The following CLCN6 variants were observed in gnomAD, a reference collection of about 807,000 sequenced individuals.
The protein encoded by CLCN6 is H(+)/Cl(-) exchange transporter 6.
In CLCN6, 70 loss-of-function variants were observed where a neutral mutation model predicts 109.8. That is an observed-to-expected ratio of 0.64 (90% confidence interval 0.53 to 0.78). The LOEUF (loss-of-function observed/expected upper bound fraction) is 0.78, where lower values mean the gene tolerates loss of function less well. CLCN6 is among the 30% of genes least tolerant of loss of function. The pLI, the probability that CLCN6 is intolerant of heterozygous loss-of-function variation, is 0.00. For synonymous variants in CLCN6, 444 were observed against 447.8 expected, an observed-to-expected ratio of 0.99 and a Z score of 0.11; for missense variants, 984 against 1,142.3, an observed-to-expected ratio of 0.86 and a Z score of 2.00.
chr1:11,834,233 T>G lies in CLCN6; in HGVS notation c.1527-3T>G. On this transcript the variant is annotated splice_polypyrimidine_tract_variant and splice_region_variant and intron_variant, in intron 15 of 22. Transcript: ENST00000346436. This position sits in a 1 kb window ranked among gnomAD's most constrained non-coding sequence, Gnocchi z 4.5. ...CCATGTTCTCGGTGTTTTCCTTCAC[T>G]AGCTACATTGGATTGGGCCACATCT... 1 of 1,610,382 alleles carries G rather than the reference T, an allele frequency of 6.2e-7. No homozygotes were observed. The highest frequency in any genetic ancestry group is 8.5e-7 in the Non-Finnish European group (1 of 1,178,248).
intron 3 of CLCN6, 71 bp from the exon 4 acceptor site, chr1:11,816,544 G>T (rs1644674527): frequency 3.5e-6 from 5 of 1,419,416 alleles, no homozygotes; most frequent in Non-Finnish European, 3.9e-6. Context: ...AAACTGGTTG[G>T]CCAAGATGTA....
In CLCN6 at chr1:11,833,602, C is replaced by T. The variant is rs377246490; in HGVS notation, c.1336C>T (p.Gln446Ter). 5 of 1,613,842 alleles carry T rather than the reference C, an allele frequency of 3.1e-6. No individual in the cohort carries two copies. The African/African-American group carries it at 4.0e-5, about 13-fold the overall frequency. Residue 446 changes from glutamine (Q) to a stop codon, truncating the protein, a stop_gained, in exon 14 of 23, where the codon CAG (glutamine) becomes TAG (stop). Coordinates refer to ENST00000346436, the MANE Select transcript of CLCN6 (RefSeq NM_001286.5). LOFTEE classifies it high-confidence loss of function. ...CATGGCCACACTCTTCTTCAACCCG[C>T]AGGAGTCTGCCATCCTCCAGCTCTT... ...NDMATLFFNPQESAILQLFHQ... is the reference protein window; with the variant it reads ...NDMATLFFNP
chr1:11,842,633 T>C lies in CLCN6; in HGVS notation c.*2410T>C, dbSNP rs1645039657. The C allele has an allele frequency of 6.6e-6, 1 of 152,646 alleles. No homozygotes were observed. Among genetic ancestry groups the C allele is most frequent in the African/African-American group, 2.4e-5 (1 of 41,460 alleles). The allele number at this position is 152,646 out of a possible 1,614,324, so 9.5% of individuals were successfully genotyped here. On this transcript the variant is annotated 3_prime_UTR_variant, in exon 23 of 23. Coordinates refer to ENST00000346436, the MANE Select transcript of CLCN6 (RefSeq NM_001286.5). ...CCTACGGGTGGTAAGAAGTGGTGTT[T>C]TGTGTTTCATCTCCAGCTTGGTGTT... is the stretch of plus-strand genomic sequence containing the variant.
intron 22 of CLCN6, 123 bp from the exon 23 acceptor site, chr1:11,840,020 T>C: frequency 1.3e-6 from 1 of 794,726 alleles, no homozygotes; most frequent in South Asian, 1.4e-5. Context: ...TCAAGCTGTG[T>C]CTGGCTGTGC....
chr1:11,821,093 AAAAAAAC>A (rs1417390509), intron 5 of CLCN6, among the ~76,000 whole-genome samples: 6 of 152,060 alleles, frequency 3.9e-5, no homozygotes, highest in African/African-American at 1.2e-4. Flanking sequence ...ACAACAAAAA[AAAAAAAC>A]AAACAAAATC....
rs1392963575 is a variant in CLCN6 at position 11,837,029 on chromosome 1, C to T, written c.2011C>T (p.Gln671Ter). The change falls in exon 19 of 23, where the codon CAG becomes TAG. Residue 671 changes from glutamine to a stop codon, truncating the protein, a stop_gained. Coordinates refer to ENST00000346436, the MANE Select transcript of CLCN6 (RefSeq NM_001286.5). LOFTEE classifies it high-confidence loss of function. ...KSSILTRAGE[Q>*]RKRSQSMKSY... ...CAGCATCCTCACCCGGGCTGGCGAGCAGCGCAAACGGAGCCAGTCCATGAA... is the reference window on the plus strand; with the variant it reads ...CAGCATCCTCACCCGGGCTGGCGAGTAGCGCAAACGGAGCCAGTCCATGAA... 1.2e-6 allele frequency: 2 copies of T among 1,611,910 alleles called. No homozygotes were observed. Among genetic ancestry groups the T allele is most frequent in the Non-Finnish European group, 8.5e-7 (1 of 1,180,038 alleles).
intron 2 of CLCN6, 40 bp from the exon 3 acceptor site, chr1:11,815,806 A>G: frequency 6.5e-7 from 1 of 1,547,548 alleles, no homozygotes; most frequent in South Asian, 1.1e-5. Flanking sequence ...AGGTCTTCTC[A>G]CCTGACATGA....
rs142493749 is a variant in CLCN6 at position 11,836,093 on chromosome 1, C to T, written c.1920C>T (p.Arg640=). 3.9e-5 allele frequency: 63 copies of T among 1,613,810 alleles called. No homozygotes were observed. The highest frequency in any genetic ancestry group is 8.3e-5 in the Admixed American group (5 of 59,960). The change falls in exon 18 of 23, where the codon CGC becomes CGT. Residue 640 remains arginine (R), a synonymous_variant. Transcript: ENST00000346436. ...CCTTCCCGGTGGTCACAGAGAACCG[C>T]GGTAACGAGAAGGAGTTCATGAAGG... The part of the protein sequence containing the change: ...HHAFPVVTEN[R]GNEKEFMKGN...
intron 22 of CLCN6, among the ~76,000 whole-genome samples, chr1:11,839,513 C>T (rs749460648): frequency 2.0e-5 from 3 of 152,218 alleles, no homozygotes; most frequent in African/African-American, 4.8e-5. Flanking sequence ...TCACCTGCCT[C>T]GGCCTCCCAA....
rs375151504 is a variant in CLCN6, at chr1:11,827,084, C to T, written c.708-5C>T. 6.8e-6 allele frequency: 11 copies of T among 1,613,546 alleles called. No homozygotes were observed. The highest frequency in any genetic ancestry group is 9.3e-6 in the Non-Finnish European group (11 of 1,179,832). The stretch of plus-strand genomic sequence containing the variant: ...TTGGATAACCCGTCTCTCTCCTCTC[C>T]TCAGAGACAAGAGAGACTTTGTATC... On this transcript the variant is annotated splice_polypyrimidine_tract_variant and splice_region_variant and intron_variant, in intron 9 of 22. Coordinates refer to ENST00000346436, the MANE Select transcript of CLCN6 (RefSeq NM_001286.5).
intron 5 of CLCN6, chr1:11,820,386 T>C (rs756399131): frequency 5.2e-5 from 37 of 716,388 alleles, no homozygotes; most frequent in Non-Finnish European, 1.6e-5. Flanking sequence ...AAGATGTAAA[T>C]ATGCAGAACA....
chr1:11,830,781 T>TAC lies in CLCN6; in HGVS notation c.1248+1460_1248+1461insCA, dbSNP rs1327251861. ...TATATATATACACACACACACTATA[T>TAC]ATACACACACACACACACACACACA... On this transcript the variant is annotated intron_variant, in intron 13 of 22. Transcript: ENST00000346436. Among the ~76,000 whole-genome samples the TAC allele has an allele frequency of 1.1e-3, 138 of 121,838 alleles. 2 individuals carry two copies. Among genetic ancestry groups the TAC allele is most frequent in the African/African-American group, 5.3e-3 (131 of 24,890 alleles). 79.9% of individuals were successfully genotyped at this position (121,838 alleles called of 152,430 possible). A position where few individuals can be genotyped will look rare whatever the true frequency, so the allele number is the denominator to read the frequency against.
chr1:11,839,999 G>C lies in CLCN6; in HGVS notation c.2530-144G>C, dbSNP rs149913222. ...TCCAGTGTGTGAGCCCTCGTTAGCT[G>C]TTTATCCCAATCAAGCTGTGTCTGG... On this transcript the variant is annotated intron_variant, in intron 22 of 22. Transcript: ENST00000346436. 589 of 723,436 alleles carry C rather than the reference G, an allele frequency of 8.1e-4. 3 individuals are homozygous for C. Among genetic ancestry groups the C allele is most frequent in the African/African-American group, 7.9e-3 (458 of 58,340 alleles). 44.8% of individuals were successfully genotyped at this position (723,436 alleles called of 1,614,324 possible).
intron 13 of CLCN6, among the ~76,000 whole-genome samples, chr1:11,830,895 G>A (rs1356886723): frequency 6.6e-6 from 1 of 151,624 alleles, no homozygotes. Flanking sequence ...GTGCAGTGGC[G>A]CGATCTTGGC....
chr1:11,826,422 C>T (rs1644812088), intron 9 of CLCN6, among the ~76,000 whole-genome samples: 1 of 152,182 alleles, frequency 6.6e-6, no homozygotes, highest in Non-Finnish European at 1.5e-5. Flanking sequence ...TGCCGTAAGG[C>T]CTAGAAGCAT....
intron 22 of CLCN6, chr1:11,839,004 A>G (rs1385820002): frequency 7.5e-6 from 5 of 663,018 alleles, no homozygotes; most frequent in Non-Finnish European, 1.4e-5. Flanking sequence ...GAGAATTTCA[A>G]GCAAAATACT....
At chr1:11,828,963 T>G (rs917711047) in intron 12 of CLCN6, among the ~76,000 whole-genome samples, 3 of 152,240 alleles carry the variant, frequency 2.0e-5, no homozygotes, top group African/African-American at 7.2e-5. Flanking sequence ...CATTCATTCC[T>G]TGGAGAGAGA....
At chr1:11,814,592 G>T (rs1415371837) in intron 2 of CLCN6, among the ~76,000 whole-genome samples, 2 of 152,056 alleles carry the variant, frequency 1.3e-5, no homozygotes, top group South Asian at 2.1e-4. Context: ...GATTTCCTTT[G>T]AATTGTTTCT....
At position 11,834,364 on chromosome 1, in the gene CLCN6, C is replaced by G; in HGVS notation, c.1655C>G (p.Thr552Ser). The G allele has an allele frequency of 1.9e-6, 3 of 1,614,106 alleles. No homozygotes were observed. Among genetic ancestry groups the G allele is most frequent in the Non-Finnish European group, 2.5e-6 (3 of 1,180,012 alleles). Residue 552 changes from threonine (T) to serine (S), a missense_variant, in exon 16 of 23, where the codon ACC (threonine) becomes AGC (serine). Thr to Ser is a moderately conservative substitution (Grantham distance 58). Coordinates refer to ENST00000346436, the MANE Select transcript of CLCN6 (RefSeq NM_001286.5). This position sits in a 1 kb window ranked among gnomAD's most constrained non-coding sequence, Gnocchi z 4.5. ...CTGATCGAGTCCACCAATGAGATCA[C>G]CTACGGGCTCCCCATCATGGTCACA... ...VILIESTNEI[T>S]YGLPIMVTLM...
Sources: allele counts gnomAD v4.1 joint callset (sites outside exome capture counted in the v4.1 genomes callset), GRCh38; gene constraint gnomAD v4.1.1; non-coding constraint Gnocchi (gnomAD v3.1); transcripts MANE v1.5; gene names NCBI Gene and HGNC (gene_info 2026-07-23, HGNC 2026-07-21).